Variants in CEP112 observed in about 807,000 individuals in gnomAD.
CEP112 encodes centrosomal protein 112.
Under a neutral mutation model 153.0 loss-of-function variants are expected in CEP112, and 127 were observed. That is an observed-to-expected ratio of 0.83 (90% CI 0.72 to 0.96). CEP112 has a LOEUF of 0.96. CEP112 is among the 40% of genes least tolerant of loss of function. The pLI, the probability that CEP112 is intolerant of heterozygous loss-of-function variation, is 0.00. For missense variants in CEP112, 1,089 were observed against 1,101.2 expected (o/e 0.99, Z 0.16); for synonymous variants, 358 against 374.4 (o/e 0.96, Z 0.51).
chr17:65,769,409 G>GA (rs71160506), intron 21 of CEP112, among the ~76,000 whole-genome samples: 2 of 151,392 alleles, frequency 1.3e-5, no homozygotes, highest in Non-Finnish European at 2.9e-5. Flanking sequence ...CACAGAAATA[G>GA]AAAAAAAAAC....
Position 66,154,197 on chromosome 17 carries a change from C to T in CEP112, c.470+20847G>A, listed in dbSNP as rs145655489. Among the ~76,000 whole-genome samples, 531 of 149,540 alleles carry T rather than the reference C, an allele frequency of 3.6e-3. 1 individual carries two copies. The highest frequency in any genetic ancestry group is 0.012 in the African/African-American group (489 of 40,718). On this transcript the variant is annotated intron_variant, in intron 4 of 26. Coordinates refer to ENST00000535342, the MANE Select transcript of CEP112 (RefSeq NM_001199165.4). ...CGTCTCAAAAAAAAGGGGGGGCCAA[C>T]TACAGCAGTGTGAATGACATTTAAA...
At chr17:66,169,994 C>T (rs983174753) in intron 4 of CEP112, among the ~76,000 whole-genome samples, 9 of 152,102 alleles carry the variant, frequency 5.9e-5, no homozygotes, top group Admixed American at 5.9e-4. Flanking sequence ...ATTCACTTCC[C>T]GACTTGTGTG....
In CEP112 at chr17:65,706,383, T is replaced by C. The variant is rs576375804; in HGVS notation, c.2608-17165A>G. 2.6e-5 allele frequency among the ~76,000 whole-genome samples: 4 copies of C among 152,218 alleles called. No homozygotes were observed. In the East Asian group the frequency reaches 7.7e-4, roughly 29 times the overall value. On this transcript the variant is annotated intron_variant, in intron 23 of 26. Transcript: ENST00000535342. ...AGTCCCTGGAGCAGGACCTGGAATA[T>C]GTGAAGGGGAGGCAGACCTGAAAAG...
rs556646934 is a variant in CEP112, at chr17:66,160,827, A to C, written c.470+14217T>G. 1.1e-4 allele frequency among the ~76,000 whole-genome samples: 17 copies of C among 152,346 alleles called. No individual in the cohort carries two copies. The East Asian group carries it at 3.1e-3, about 28-fold the overall frequency. On this transcript the variant is annotated intron_variant, in intron 4 of 26. Transcript: ENST00000535342. ...CCAAAAGCAATGGAAACAAAAGCCA[A>C]AATTGACAAATGGAATCTAATTAAA...
chr17:66,145,430 C>T (rs950010456), intron 4 of CEP112, among the ~76,000 whole-genome samples: 4 of 151,794 alleles, frequency 2.6e-5, no homozygotes, highest in African/African-American at 9.7e-5. Flanking sequence ...TTTTTTATAT[C>T]TTATTTTAGA....
intron 23 of CEP112, among the ~76,000 whole-genome samples, chr17:65,729,259 G>C (rs1017869560): frequency 3.3e-5 from 5 of 152,086 alleles, no homozygotes; most frequent in African/African-American, 1.2e-4. Flanking sequence ...GTTACTAGGT[G>C]GTAAGGTTTT....
intron 18 of CEP112, among the ~76,000 whole-genome samples, chr17:65,950,769 C>T (rs757831637): frequency 3.5e-4 from 53 of 151,484 alleles, no homozygotes; most frequent in Admixed American, 7.3e-4. Context: ...GCTAGAAGTT[C>T]CAATACAATG....
chr17:65,867,655 C>T (rs568313125), intron 20 of CEP112, among the ~76,000 whole-genome samples: 1 of 151,988 alleles, frequency 6.6e-6, no homozygotes, highest in Non-Finnish European at 1.5e-5. Flanking sequence ...TTTAATGGAG[C>T]CTATACATTT....
chr17:65,738,042 G>A (rs775699499), intron 23 of CEP112, among the ~76,000 whole-genome samples: 5 of 152,102 alleles, frequency 3.3e-5, no homozygotes, highest in African/African-American at 4.8e-5. Context: ...CAGAAACACC[G>A]CACCCATGTA....
chr17:66,001,422 C>A (rs1249661322), intron 17 of CEP112, among the ~76,000 whole-genome samples: 2 of 152,146 alleles, frequency 1.3e-5, no homozygotes, highest in Non-Finnish European at 2.9e-5. Flanking sequence ...TTCTAGTGAA[C>A]TACTACTGTA....
chr17:66,005,599 A>G (rs1303357911), intron 17 of CEP112, 91 bp downstream of exon 17: 15 of 1,421,942 alleles, frequency 1.1e-5, no homozygotes, highest in Non-Finnish European at 1.4e-5. Flanking sequence ...AAGCTCTTAT[A>G]AAAATATAGT....
At chr17:65,997,853 A>C (rs991338251) in intron 17 of CEP112, among the ~76,000 whole-genome samples, 1 of 151,886 alleles carries the variant, frequency 6.6e-6, no homozygotes, top group Non-Finnish European at 1.5e-5. Flanking sequence ...AAGTTAAAAT[A>C]TTGGAAAGCA....
chr17:65,782,230 A>C (rs1203498672), intron 21 of CEP112, among the ~76,000 whole-genome samples: 1 of 152,222 alleles, frequency 6.6e-6, no homozygotes, highest in East Asian at 1.9e-4. Context: ...AGTGGCCAAC[A>C]AACATATGAA....
At chr17:65,681,733 G>A (rs2047541299) in intron 24 of CEP112, among the ~76,000 whole-genome samples, 1 of 148,162 alleles carries the variant, frequency 6.7e-6, no homozygotes, top group East Asian at 2.0e-4. Flanking sequence ...GAGTACAGTG[G>A]TGCAATCTTG....
chr17:66,118,803 G>A lies in CEP112; in HGVS notation c.642+10943C>T, dbSNP rs189717332. Reference sequence around the variant, plus strand: ...CTGATTTGATTATAACACATGGTATGCTTGTATCAAAATATCACATCCCCA... The same window carrying A: ...CTGATTTGATTATAACACATGGTATACTTGTATCAAAATATCACATCCCCA... On this transcript the variant is annotated intron_variant, in intron 6 of 26. Coordinates refer to ENST00000535342, the MANE Select transcript of CEP112 (RefSeq NM_001199165.4). Among the ~76,000 whole-genome samples the A allele has an allele frequency of 7.6e-4, 115 of 152,204 alleles. 2 individuals are homozygous for A. In the South Asian group the frequency reaches 8.5e-3, roughly 11 times the overall value.
At chr17:66,122,363 A>C (rs546129231) in intron 6 of CEP112, among the ~76,000 whole-genome samples, 7 of 152,126 alleles carry the variant, frequency 4.6e-5, no homozygotes, top group Non-Finnish European at 7.4e-5. Context: ...TGCATGTCTT[A>C]TAATTTTTTT....
intron 21 of CEP112, among the ~76,000 whole-genome samples, chr17:65,829,747 T>G (rs553262879): frequency 6.6e-6 from 1 of 152,234 alleles, no homozygotes; most frequent in African/African-American, 2.4e-5. Flanking sequence ...ATTCAATAAT[T>G]AAAGTACAGA....
At chr17:65,663,275 CA>C (rs1477941565) in intron 24 of CEP112, among the ~76,000 whole-genome samples, 2 of 152,146 alleles carry the variant, frequency 1.3e-5, no homozygotes, top group East Asian at 3.9e-4. Context: ...TGATCTTTGT[CA>C]TATCCAGTAA....
chr17:66,124,120 T>C (rs985256411), intron 6 of CEP112, among the ~76,000 whole-genome samples: 8 of 152,314 alleles, frequency 5.3e-5, no homozygotes, highest in African/African-American at 1.9e-4. Flanking sequence ...ATAGTTTACA[T>C]GACAGTTCAG....
Sources: gnomAD v4.1 joint callset for allele counts (sites outside exome capture counted in the v4.1 genomes callset) on GRCh38, gnomAD v4.1.1 for gene constraint, MANE v1.5 for transcripts, NCBI Gene and HGNC (gene_info 2026-07-23, HGNC 2026-07-21) for gene names.